VSIR: variants seen among roughly 807,000 people sequenced by gnomAD.
The protein encoded by VSIR is V-type immunoglobulin domain-containing suppressor of T-cell activation.
Under a neutral mutation model 31.0 loss-of-function variants are expected in VSIR, and 10 were observed. The observed-to-expected ratio is 0.32, with a 90% confidence interval of 0.20 to 0.55. VSIR has a LOEUF of 0.55. VSIR is among the 20% of genes least tolerant of loss of function. The pLI is 0.93. For synonymous variants in VSIR, 179 were observed against 180.1 expected, an observed-to-expected ratio of 0.99 and a Z score of 0.05; for missense variants, 356 against 416.2, an observed-to-expected ratio of 0.86 and a Z score of 1.26.
At chr10:71,762,114 T>G in intron 1 of VSIR, 88 bp from the exon 2 acceptor site, 1 of 1,414,816 alleles carries the variant, frequency 7.1e-7, no homozygotes, top group South Asian at 1.4e-5. Context: ...TAGCCTCTGC[T>G]ACTTCCCAGC....
At chr10:71,773,241 G>GGGT in intron 1 of VSIR, 117 bp downstream of exon 1, 1 of 1,189,022 alleles carries the variant, frequency 8.4e-7, no homozygotes. Context: ...GGGTGGAGTG[G>GGGT]GGTGCACGGT....
rs77559756 is a variant in VSIR at position 71,748,161 on chromosome 10, G to C, written c.*3092C>G. On this transcript the variant is annotated 3_prime_UTR_variant, in exon 7 of 7. Coordinates refer to ENST00000394957, the MANE Select transcript of VSIR (RefSeq NM_022153.2). ...ACCCCAGGGGCCAAGTTGGTGCTCG[G>C]TGGTGGCAGGACCCCTGCAGCCCCC... 4,339 of 151,392 alleles carry C rather than the reference G, an allele frequency of 0.029. 91 individuals carry two copies. Among genetic ancestry groups the C allele is most frequent in the Non-Finnish European group, 0.043 (2,941 of 68,112 alleles). The allele number at this position is 151,392 out of a possible 1,614,324, so 9.4% of individuals were successfully genotyped here.
chr10:71,751,297 G>T lies in VSIR; in HGVS notation c.899-7C>A. ...GGAGAGTCAGGGACAGGGTCTGCAA[G>T]AAAAGGAGAAGCAAAGTGAACGGGG... On this transcript the variant is annotated splice_region_variant and splice_polypyrimidine_tract_variant and intron_variant, in intron 6 of 6. Coordinates refer to ENST00000394957, the MANE Select transcript of VSIR (RefSeq NM_022153.2). This position sits in a 1 kb window ranked among gnomAD's most constrained non-coding sequence, Gnocchi z 4.9. The T allele has an allele frequency of 6.2e-7, 1 of 1,609,870 alleles. No homozygotes were observed.
intron 3 of VSIR, among the ~76,000 whole-genome samples, chr10:71,756,090 G>A (rs1328363355): frequency 3.3e-5 from 5 of 152,110 alleles, no homozygotes; most frequent in African/African-American, 1.2e-4. Context: ...AACACCCGGG[G>A]TGAGAACTAG....
At chr10:71,773,221 T>A (rs1276190143) in intron 1 of VSIR, 137 bp downstream of exon 1, 7 of 1,032,318 alleles carry the variant, frequency 6.8e-6, no homozygotes, top group Non-Finnish European at 9.8e-6. Context: ...CCCAGCAGCC[T>A]CTGGGCGGTG....
In VSIR at chr10:71,750,383, A is replaced by C. The variant is rs1275947931; in HGVS notation, c.*870T>G. On this transcript the variant is annotated 3_prime_UTR_variant, in exon 7 of 7. Transcript: ENST00000394957. ...ACTCAGAAGTGTCCCAGGGTGGACA[A>C]GACATTGTGTGGCACCCTTGCAATG... 6.6e-6 allele frequency: 1 copy of C among 150,826 alleles called. No individual in the cohort carries two copies. The highest frequency in any genetic ancestry group is 6.6e-5 in the Admixed American group (1 of 15,204). The allele number at this position is 150,826 out of a possible 1,614,324, so 9.3% of individuals were successfully genotyped here. A position where few individuals can be genotyped will look rare whatever the true frequency, so the allele number is the denominator to read the frequency against.
At chr10:71,757,783 C>T (rs1840188868) in intron 3 of VSIR, among the ~76,000 whole-genome samples, 1 of 152,168 alleles carries the variant, frequency 6.6e-6, no homozygotes, top group South Asian at 2.1e-4. Flanking sequence ...GGTTGGGCTG[C>T]CTGGTTTCCC....
At chr10:71,754,155 T>G (rs1441317780) in intron 4 of VSIR, among the ~76,000 whole-genome samples, 1 of 152,096 alleles carries the variant, frequency 6.6e-6, no homozygotes, top group East Asian at 1.9e-4. Context: ...CCCCCTGCCC[T>G]GCTGCCCAGC....
intron 1 of VSIR, among the ~76,000 whole-genome samples, chr10:71,767,659 G>A (rs1333901143): frequency 6.6e-6 from 1 of 152,242 alleles, no homozygotes; most frequent in Non-Finnish European, 1.5e-5. Context: ...GGGCTGCCAA[G>A]GCTAAGAAAG....
chr10:71,751,987 T>A lies in VSIR; in HGVS notation c.705-126A>T. On this transcript the variant is annotated intron_variant, in intron 5 of 6. Coordinates refer to ENST00000394957, the MANE Select transcript of VSIR (RefSeq NM_022153.2). This position sits in a 1 kb window ranked among gnomAD's most constrained non-coding sequence, Gnocchi z 4.9. ...TCCCCATCCCCAAGCCTCAGCAGCA[T>A]CTCCAAGCAAGAAGGCAGGAGCCAG... The A allele has an allele frequency of 9.3e-7, 1 of 1,078,714 alleles. No individual in the cohort carries two copies. Among genetic ancestry groups the A allele is most frequent in the South Asian group, 1.4e-5 (1 of 71,972 alleles). The allele number at this position is 1,078,714 out of a possible 1,614,324, so 66.8% of individuals were successfully genotyped here. A position where few individuals can be genotyped will look rare whatever the true frequency, so the allele number is the denominator to read the frequency against.
At position 71,748,969 on chromosome 10, in the gene VSIR, T is replaced by A. The variant is rs1217530145; in HGVS notation, c.*2284A>T. ...CCAGATGCGTTCAGTTGTAAAAGGGTCCAGAGAAGAGAGGGCAGGGCCGCA... is the reference window on the plus strand; with the variant it reads ...CCAGATGCGTTCAGTTGTAAAAGGGACCAGAGAAGAGAGGGCAGGGCCGCA... On this transcript the variant is annotated 3_prime_UTR_variant, in exon 7 of 7. Coordinates refer to ENST00000394957, the MANE Select transcript of VSIR (RefSeq NM_022153.2). The A allele has an allele frequency of 2.6e-5, 4 of 152,696 alleles. No individual in the cohort carries two copies. The East Asian group carries it at 7.7e-4, about 29-fold the overall frequency. 9.5% of individuals were successfully genotyped at this position (152,696 alleles called of 1,614,324 possible).
intron 3 of VSIR, among the ~76,000 whole-genome samples, chr10:71,759,327 C>T (rs890779846): frequency 1.3e-5 from 2 of 151,976 alleles, no homozygotes; most frequent in Admixed American, 6.6e-5. Context: ...CGTGAGCCAC[C>T]GCACCTAACC....
At position 71,751,808 on chromosome 10, in the gene VSIR, C is replaced by T. The variant is rs1357026078; in HGVS notation, c.758G>A (p.Gly253Glu). 2.5e-6 allele frequency: 4 copies of T among 1,586,852 alleles called. No homozygotes were observed. The highest frequency in any genetic ancestry group is 2.3e-5 in the South Asian group (2 of 87,800). ...PGFEASPPAQ[G>E]IPEAKVRHPL... is the part of the protein sequence containing the mutation. ...GTGCCTGACTTTGGCCTCGGGTATCCCCTGGGCAGGTGGTGAGGCTTCAAA... is the reference window on the plus strand; with the variant it reads ...GTGCCTGACTTTGGCCTCGGGTATCTCCTGGGCAGGTGGTGAGGCTTCAAA... The change falls in exon 6 of 7, where the codon GGG becomes GAG. Residue 253 changes from glycine (G) to glutamate (E), a missense_variant. Around this residue, in one of 2 missense-constraint regions of VSIR, gnomAD observed 190 missense variants for 185.2 expected, o/e 1.03. Coordinates refer to ENST00000394957, the MANE Select transcript of VSIR (RefSeq NM_022153.2). The surrounding 1 kb of genome is among the most constrained non-coding windows in gnomAD (Gnocchi z 4.9).
At chr10:71,758,456 G>A (rs540055038) in intron 3 of VSIR, among the ~76,000 whole-genome samples, 1 of 152,320 alleles carries the variant, frequency 6.6e-6, no homozygotes, top group East Asian at 1.9e-4. Flanking sequence ...AAGCTGCTGG[G>A]TATTCTCACC....
chr10:71,770,927 C>T (rs1840669921), intron 1 of VSIR, among the ~76,000 whole-genome samples: 1 of 152,192 alleles, frequency 6.6e-6, no homozygotes, highest in African/African-American at 2.4e-5. Context: ...AAGGCTGTTC[C>T]TCTCTACTCC....
At position 71,759,920 on chromosome 10, in the gene VSIR, T is replaced by TAG. The variant is rs1564779338; in HGVS notation, c.568+947_568+948insCT. Among the ~76,000 whole-genome samples, 3 of 66,280 alleles carry TAG rather than the reference T, an allele frequency of 4.5e-5. 1 individual carries two copies. In the South Asian group the frequency reaches 1.5e-3, roughly 33 times the overall value. The allele number at this position is 66,280 out of a possible 152,430, so 43.5% of individuals were successfully genotyped here. On this transcript the variant is annotated intron_variant, in intron 3 of 6. Coordinates refer to ENST00000394957, the MANE Select transcript of VSIR (RefSeq NM_022153.2). ...ACACATATATACACACACACATATA[T>TAG]ACACACACACATATATACACACACA...
Position 71,755,458 on chromosome 10 carries a change from C to T in VSIR, c.577G>A (p.Ala193Thr). Residue 193 changes from alanine (A) to threonine (T), a missense_variant, in exon 4 of 7, where the codon GCT (alanine) becomes ACT (threonine). Around this residue, in one of 2 missense-constraint regions of VSIR, gnomAD observed 190 missense variants for 185.2 expected, o/e 1.03. Transcript: ENST00000394957. ...SSSQDSENIT[A>T]AALATGACIV... ...CAGGCACCCGTAGCCAGGGCTGCAG[C>T]CGTGATGTCTGAAAGGGCAGAGAGG... 6.2e-7 allele frequency: 1 copy of T among 1,611,232 alleles called. No homozygotes were observed. Among genetic ancestry groups the T allele is most frequent in the Non-Finnish European group, 8.5e-7 (1 of 1,178,950 alleles).
In VSIR at chr10:71,751,018, A is replaced by G; in HGVS notation, c.*235T>C. 2.0e-6 allele frequency: 1 copy of G among 506,430 alleles called. No homozygotes were observed. The highest frequency in any genetic ancestry group is 2.0e-5 in the African/African-American group (1 of 50,508). 31.4% of individuals were successfully genotyped at this position (506,430 alleles called of 1,614,324 possible). ...TGTAGCTGGTGAATTTCAGGTCTCT[A>G]GGGGAGAATCTCAGCACCCCAAAAT... On this transcript the variant is annotated 3_prime_UTR_variant, in exon 7 of 7. Transcript: ENST00000394957. This position sits in a 1 kb window ranked among gnomAD's most constrained non-coding sequence, Gnocchi z 4.9.
intron 4 of VSIR, among the ~76,000 whole-genome samples, chr10:71,754,178 T>A (rs1840074661): frequency 1.3e-5 from 2 of 152,026 alleles, no homozygotes; most frequent in Non-Finnish European, 2.9e-5. Context: ...TGCTCTTCTG[T>A]TCCAAGCCCT....
Sources: allele counts gnomAD v4.1 joint callset (sites outside exome capture counted in the v4.1 genomes callset), GRCh38; gene constraint gnomAD v4.1.1; regional missense constraint gnomAD v4.1.1; non-coding constraint Gnocchi (gnomAD v3.1); transcripts MANE v1.5; gene names NCBI Gene and HGNC (gene_info 2026-07-23, HGNC 2026-07-21).